Variants in DENND1A observed in about 807,000 individuals in gnomAD.
DENND1A encodes the protein DENN domain containing 1A.
In DENND1A, 51 loss-of-function variants were observed where a neutral mutation model predicts 113.7. That is an observed-to-expected ratio of 0.45 (90% CI 0.36 to 0.57). The LOEUF (loss-of-function observed/expected upper bound fraction) is 0.57, where lower values mean the gene tolerates loss of function less well. Among genes scored for constraint, DENND1A ranks in the 20% least tolerant of loss-of-function variants. DENND1A has a pLI of 0.00. For missense variants in DENND1A, 1,258 were observed against 1,395.9 expected, an observed-to-expected ratio of 0.90 and a Z score of 1.57; for synonymous variants, 565 against 570.8, an observed-to-expected ratio of 0.99 and a Z score of 0.14.
At chr9:123,746,961 T>C (rs1049412825) in intron 5 of DENND1A, among the ~76,000 whole-genome samples, 1 of 152,160 alleles carries the variant, frequency 6.6e-6, no homozygotes, top group Non-Finnish European at 1.5e-5. Flanking sequence ...GTAAAAATCC[T>C]AGCTCAGCAG....
At chr9:123,609,306 C>T (rs1490657274) in intron 11 of DENND1A, 130 bp downstream of exon 11, 8 of 974,320 alleles carry the variant, frequency 8.2e-6, no homozygotes, top group Non-Finnish European at 1.2e-5. Context: ...CAGCTCTGTA[C>T]GCTGGGAGGT....
chr9:123,669,637 T>A (rs1249646702), intron 7 of DENND1A, among the ~76,000 whole-genome samples: 2 of 152,186 alleles, frequency 1.3e-5, no homozygotes, highest in Non-Finnish European at 2.9e-5. Context: ...CAGCTACCTG[T>A]CGGATGTCAT....
rs141253553 is a variant in DENND1A, at chr9:123,764,197, T to C, written c.182+5317A>G. Among the ~76,000 whole-genome samples, 150 of 152,316 alleles carry C rather than the reference T, an allele frequency of 9.8e-4. No individual in the cohort carries two copies. Among genetic ancestry groups the C allele is most frequent in the Admixed American group, 1.7e-3 (26 of 15,298 alleles). ...TTGCAGAGTGGTTGCAGATTAGAGA[T>C]AATGTATACAAGATAACTAGCATAT... On this transcript the variant is annotated intron_variant, in intron 4 of 23. Coordinates refer to ENST00000394215, the MANE Select transcript of DENND1A (RefSeq NM_001352964.2). The surrounding 1 kb of genome is among the most constrained non-coding windows in gnomAD (Gnocchi z 4.1).
intron 20 of DENND1A, among the ~76,000 whole-genome samples, chr9:123,407,446 TCACA>T (rs1216175159): frequency 2.0e-5 from 3 of 151,086 alleles, no homozygotes; most frequent in Non-Finnish European, 4.4e-5. Context: ...ACTCACACAC[TCACA>T]CACACACCCC....
At chr9:123,478,005 A>T (rs2050050878) in intron 13 of DENND1A, among the ~76,000 whole-genome samples, 1 of 152,188 alleles carries the variant, frequency 6.6e-6, no homozygotes, top group Middle Eastern at 3.2e-3. Context: ...CTTCACTGGG[A>T]CATGTGGAAA....
chr9:123,724,527 A>G (rs2067563351), intron 5 of DENND1A, among the ~76,000 whole-genome samples: 1 of 152,134 alleles, frequency 6.6e-6, no homozygotes, highest in Admixed American at 6.5e-5. Flanking sequence ...TTAAAAAAAA[A>G]AAAAAAGTCA....
At chr9:123,392,283 G>A (rs996114536) in intron 21 of DENND1A, among the ~76,000 whole-genome samples, 2 of 152,076 alleles carry the variant, frequency 1.3e-5, no homozygotes, top group African/African-American at 2.4e-5. Flanking sequence ...AGCACGTCAC[G>A]CTGGCCCAAA....
At chr9:123,852,620 A>AAT (rs2133164803) in intron 2 of DENND1A, among the ~76,000 whole-genome samples, 1 of 152,338 alleles carries the variant, frequency 6.6e-6, no homozygotes, top group East Asian at 1.9e-4. Flanking sequence ...CACACTAATG[A>AAT]ATATAACAGC....
chr9:123,921,678 G>T (rs1212360733), intron 1 of DENND1A, among the ~76,000 whole-genome samples: 1 of 152,150 alleles, frequency 6.6e-6, no homozygotes, highest in Non-Finnish European at 1.5e-5. Flanking sequence ...ATTCACTATG[G>T]ATCCCTCAAA....
At chr9:123,729,662 T>A (rs1589837722) in intron 5 of DENND1A, among the ~76,000 whole-genome samples, 1 of 152,136 alleles carries the variant, frequency 6.6e-6, no homozygotes, top group African/African-American at 2.4e-5. Context: ...AGAATCAGTA[T>A]CATGAAAATA....
At chr9:123,884,993 G>GCA (rs1848815487) in intron 1 of DENND1A, among the ~76,000 whole-genome samples, 1 of 127,022 alleles carries the variant, frequency 7.9e-6, no homozygotes, top group Non-Finnish European at 1.6e-5. Flanking sequence ...CTGCGAGCGC[G>GCA]CGCGCACACA....
chr9:123,918,344 C>T (rs1013372669), intron 1 of DENND1A, among the ~76,000 whole-genome samples: 1 of 151,592 alleles, frequency 6.6e-6, no homozygotes, highest in Non-Finnish European at 1.5e-5. Context: ...AAAAATTAGC[C>T]GGGCGTGGCG....
chr9:123,482,235 T>C (rs1002851978), intron 13 of DENND1A, among the ~76,000 whole-genome samples: 11 of 152,172 alleles, frequency 7.2e-5, no homozygotes, highest in Admixed American at 5.2e-4. Flanking sequence ...GTAGCTAGGA[T>C]TACAGGTGTG....
intron 19 of DENND1A, among the ~76,000 whole-genome samples, chr9:123,418,722 C>T (rs768076827): frequency 1.3e-5 from 2 of 152,232 alleles, no homozygotes; most frequent in Non-Finnish European, 1.5e-5. Context: ...GCTGCACACT[C>T]ACCAGCGCAA....
At chr9:123,542,160 C>T (rs1053050374) in intron 13 of DENND1A, among the ~76,000 whole-genome samples, 3 of 152,170 alleles carry the variant, frequency 2.0e-5, no homozygotes, top group African/African-American at 7.2e-5. Flanking sequence ...TTTGACATTC[C>T]TGTTAGCTCC....
chr9:123,463,491 T>G (rs967277532), intron 13 of DENND1A, among the ~76,000 whole-genome samples: 2 of 152,358 alleles, frequency 1.3e-5, no homozygotes, highest in African/African-American at 4.8e-5. Flanking sequence ...TGAAGACCCA[T>G]AGAGTATTAC....
chr9:123,585,541 T>G (rs1400874318), intron 11 of DENND1A, among the ~76,000 whole-genome samples: 2 of 152,230 alleles, frequency 1.3e-5, no homozygotes, highest in Non-Finnish European at 2.9e-5. Context: ...ATGCTGAGAT[T>G]CACAGGGGAT....
chr9:123,441,228 T>A (rs2046908077), intron 18 of DENND1A, among the ~76,000 whole-genome samples: 1 of 152,252 alleles, frequency 6.6e-6, no homozygotes, highest in East Asian at 1.9e-4. Flanking sequence ...TGTATCATTT[T>A]AAAAATGTAT....
intron 2 of DENND1A, among the ~76,000 whole-genome samples, chr9:123,859,935 G>A (rs1844819468): frequency 6.6e-6 from 1 of 152,108 alleles, no homozygotes; most frequent in Admixed American, 6.5e-5. Flanking sequence ...CTTTAGCTTG[G>A]GGTGACAGAG....
Sources: allele counts gnomAD v4.1 joint callset (sites outside exome capture counted in the v4.1 genomes callset), GRCh38; gene constraint gnomAD v4.1.1; non-coding constraint Gnocchi (gnomAD v3.1); transcripts MANE v1.5; gene names NCBI Gene and HGNC (gene_info 2026-07-23, HGNC 2026-07-21).